ATXN7: variants seen among roughly 807,000 people sequenced by gnomAD.
The protein encoded by ATXN7 is ataxin 7.
ATXN7 carries 12 observed loss-of-function variants against 70.5 expected under a neutral mutation model. That is an observed-to-expected ratio of 0.17 (90% confidence interval 0.11 to 0.28). The LOEUF is 0.28. Among genes scored for constraint, ATXN7 ranks in the 10% least tolerant of loss-of-function variants. The probability of loss-of-function intolerance (pLI) is 1.00; values close to 1 mark genes in which losing one functional copy is unlikely to be tolerated. For missense variants in ATXN7, 1,256 were observed against 1,131.7 expected (o/e 1.11, Z -1.58); for synonymous variants, 498 against 448.7 (o/e 1.11, Z -1.39).
chr3:63,924,764 A>G (rs1704650705), intron 4 of ATXN7, among the ~76,000 whole-genome samples: 1 of 152,154 alleles, frequency 6.6e-6, no homozygotes. Flanking sequence ...TGAGCTGAAG[A>G]AGTGGAGAGG....
At chr3:63,931,577 CTT>C (rs1314093696) in intron 4 of ATXN7, among the ~76,000 whole-genome samples, 1 of 152,160 alleles carries the variant, frequency 6.6e-6, no homozygotes, top group African/African-American at 2.4e-5. Context: ...CCAGTGTTCT[CTT>C]TTCCTTATGG....
At position 63,999,840 on chromosome 3, in the gene ATXN7, G is replaced by C. The variant is rs920995803; in HGVS notation, c.*373G>C. 2.6e-5 allele frequency: 10 copies of C among 392,098 alleles called. No individual in the cohort carries two copies. The highest frequency in any genetic ancestry group is 3.8e-5 in the Non-Finnish European group (8 of 211,886). 24.3% of individuals were successfully genotyped at this position (392,098 alleles called of 1,614,324 possible). A position where few individuals can be genotyped will look rare whatever the true frequency, so the allele number is the denominator to read the frequency against. ...TGGGCAAAAGAATGTTTTGGCAAGA[G>C]CGTTACTGTAGACCTTTCTCCCTCC... On this transcript the variant is annotated 3_prime_UTR_variant, in exon 13 of 13. Transcript: ENST00000674280.
chr3:63,904,201 A>G (rs1275581497), intron 2 of ATXN7: 2 of 151,598 alleles, frequency 1.3e-5, no homozygotes, highest in African/African-American at 2.4e-5. Context: ...TATGTGACCT[A>G]TTTGTCTTCT....
At chr3:63,968,117 C>A (rs184658884) in intron 5 of ATXN7, 31 of 683,022 alleles carry the variant, frequency 4.5e-5, no homozygotes, top group Non-Finnish European at 7.3e-5. Context: ...GGCCTTTTTC[C>A]TCCTGGCATT....
intron 2 of ATXN7, among the ~76,000 whole-genome samples, chr3:63,902,495 A>G (rs553266207): frequency 2.2e-4 from 34 of 152,320 alleles, no homozygotes; most frequent in African/African-American, 7.7e-4. Flanking sequence ...GCATTTAGAA[A>G]GACTTTCAGA....
intron 5 of ATXN7, among the ~76,000 whole-genome samples, chr3:63,955,121 C>A (rs574197241): frequency 6.6e-6 from 1 of 152,322 alleles, no homozygotes; most frequent in African/African-American, 2.4e-5. Context: ...TTGGTGATAA[C>A]TTCAAACATG....
chr3:63,896,134 A>G (rs551860121), intron 1 of ATXN7, among the ~76,000 whole-genome samples: 2 of 152,244 alleles, frequency 1.3e-5, no homozygotes, highest in African/African-American at 4.8e-5. Flanking sequence ...GTGCTTAGAA[A>G]AAAGGGTCAA....
intron 5 of ATXN7, among the ~76,000 whole-genome samples, chr3:63,971,843 GT>G (rs1432437385): frequency 4.6e-5 from 7 of 152,180 alleles, no homozygotes; most frequent in African/African-American, 1.4e-4. Context: ...CCAAAATATG[GT>G]TTAGTTGTGA....
At chr3:63,882,475 C>T (rs989920851) in intron 1 of ATXN7, among the ~76,000 whole-genome samples, 2 of 151,216 alleles carry the variant, frequency 1.3e-5, no homozygotes, top group African/African-American at 2.4e-5. Context: ...ACCTCCGCCT[C>T]ACAGGTTCAA....
chr3:64,001,904 TTGTTTCTAG>T lies in ATXN7; in HGVS notation c.*2438_*2446del, dbSNP rs1489392306. ...AAAAACCAAATTTGCAGTGGTTGGGTTGTTTCTAGACAGACTTTGGTATCAATTTAAAAC... is the reference window on the plus strand; with the variant it reads ...AAAAACCAAATTTGCAGTGGTTGGGTACAGACTTTGGTATCAATTTAAAAC... On this transcript the variant is annotated 3_prime_UTR_variant, in exon 13 of 13. Transcript: ENST00000674280. 6.6e-6 allele frequency: 1 copy of T among 152,272 alleles called. No homozygotes were observed. Among genetic ancestry groups the T allele is most frequent in the Non-Finnish European group, 1.5e-5 (1 of 68,040 alleles). 9.4% of individuals were successfully genotyped at this position (152,272 alleles called of 1,614,324 possible).
intron 1 of ATXN7, among the ~76,000 whole-genome samples, chr3:63,885,283 A>G (rs1364007137): frequency 6.6e-6 from 1 of 152,208 alleles, no homozygotes; most frequent in African/African-American, 2.4e-5. Flanking sequence ...CCCAATTAAA[A>G]AAGGAGAAAG....
chr3:63,885,372 C>G (rs1410265441), intron 1 of ATXN7, among the ~76,000 whole-genome samples: 1 of 152,090 alleles, frequency 6.6e-6, no homozygotes, highest in Non-Finnish European at 1.5e-5. Context: ...CAGGGACATG[C>G]AAGTTAAAAC....
chr3:63,973,861 G>A (rs1480626064), intron 5 of ATXN7, among the ~76,000 whole-genome samples: 4 of 152,034 alleles, frequency 2.6e-5, no homozygotes, highest in Non-Finnish European at 5.9e-5. Context: ...TTGTGAGTAT[G>A]CAAAAAAGTT....
In ATXN7 at chr3:63,990,775, A is replaced by G. The variant is rs200228746; in HGVS notation, c.1598A>G (p.Tyr533Cys). The change falls in exon 11 of 13, where the codon TAT becomes TGT. Residue 533 changes from tyrosine (Y) to cysteine (C), a missense_variant. By Grantham distance (194) the Tyr-to-Cys change is radical. Coordinates refer to ENST00000674280, the MANE Select transcript of ATXN7 (RefSeq NM_001377405.1). ...GGGAGCCGGCAGATAGGAAGAGGCT[A>G]TTACGTGTTTGACTCCAGGTGGAAT... ...TFGSRQIGRG[Y>C]YVFDSRWNRL... 198 of 1,614,094 alleles carry G rather than the reference A, an allele frequency of 1.2e-4. No individual in the cohort carries two copies. In the African/African-American group the frequency reaches 2.0e-3, roughly 16 times the overall value.
intron 5 of ATXN7, chr3:63,967,733 C>T (rs1252491609): frequency 3.6e-6 from 5 of 1,386,766 alleles, no homozygotes; most frequent in African/African-American, 2.9e-5. Flanking sequence ...TGAAATTAGA[C>T]TCCACCCCCT....
intron 8 of ATXN7, among the ~76,000 whole-genome samples, chr3:63,983,638 A>G (rs149928099): frequency 1.1e-3 from 160 of 152,226 alleles, no homozygotes; most frequent in African/African-American, 3.7e-3. Context: ...ACTAGATAAA[A>G]TATATTAATA....
In ATXN7 at chr3:63,999,877, A is replaced by G. The variant is rs552918625; in HGVS notation, c.*410A>G. 4.6e-5 allele frequency: 12 copies of G among 259,794 alleles called. No homozygotes were observed. The South Asian group carries it at 6.9e-4, about 15-fold the overall frequency. 16.1% of individuals were successfully genotyped at this position (259,794 alleles called of 1,614,324 possible). On this transcript the variant is annotated 3_prime_UTR_variant, in exon 13 of 13. Coordinates refer to ENST00000674280, the MANE Select transcript of ATXN7 (RefSeq NM_001377405.1). ...ACCTTTCTCCCTCCTTCCTTTTACT[A>G]CCATTTTTTTTTAACACTGTCATCT...
intron 8 of ATXN7, among the ~76,000 whole-genome samples, chr3:63,987,194 C>T (rs1332917900): frequency 6.6e-6 from 1 of 152,168 alleles, no homozygotes; most frequent in African/African-American, 2.4e-5. Flanking sequence ...GTTTTAATGC[C>T]AGTAACTATG....
intron 5 of ATXN7, among the ~76,000 whole-genome samples, chr3:63,968,682 G>T (rs528438494): frequency 6.6e-6 from 1 of 152,274 alleles, no homozygotes; most frequent in African/African-American, 2.4e-5. Flanking sequence ...CAGAAAAGAT[G>T]ATTTTTTTTA....
Sources: gnomAD v4.1 joint callset for allele counts (sites outside exome capture counted in the v4.1 genomes callset) on GRCh38, gnomAD v4.1.1 for gene constraint, MANE v1.5 for transcripts, NCBI Gene and HGNC (gene_info 2026-07-23, HGNC 2026-07-21) for gene names.